Variants in NAV3 observed in about 807,000 individuals in gnomAD.
NAV3 encodes the protein pore membrane and/or filament interacting like protein 1.
In NAV3, 87 loss-of-function variants were observed where a neutral mutation model predicts 244.7. The ratio of observed to expected loss-of-function variants is 0.36; its 90% CI spans 0.30 to 0.42. The LOEUF is 0.42. NAV3 is among the 20% of genes least tolerant of loss of function. The pLI is 1.00. For missense variants in NAV3, 2,663 were observed against 2,893.3 expected, an observed-to-expected ratio of 0.92 and a Z score of 1.83; for synonymous variants, 1,126 against 1,042.2, an observed-to-expected ratio of 1.08 and a Z score of -1.55.
At chr12:78,080,601 A>G (rs1041508565) in intron 12 of NAV3, among the ~76,000 whole-genome samples, 6 of 152,108 alleles carry the variant, frequency 3.9e-5, no homozygotes, top group Admixed American at 2.6e-4. Flanking sequence ...TTTTCCCATT[A>G]TAGTTTAATT....
intron 18 of NAV3, among the ~76,000 whole-genome samples, chr12:78,131,192 A>G (rs1282098130): frequency 6.6e-6 from 1 of 152,214 alleles, no homozygotes. Context: ...AGCCAGGACA[A>G]GACTCAAGGC....
intron 5 of NAV3, among the ~76,000 whole-genome samples, chr12:77,979,133 G>C (rs1869054716): frequency 1.3e-5 from 2 of 151,012 alleles, no homozygotes; most frequent in Admixed American, 6.6e-5. Context: ...CCAGAACTTT[G>C]AGAGGCCAAG....
chr12:77,792,979 G>A (rs1217427572), intron 2 of NAV3, among the ~76,000 whole-genome samples: 1 of 152,018 alleles, frequency 6.6e-6, no homozygotes, highest in Admixed American at 6.6e-5. Context: ...TTTCAGTGCG[G>A]GATATTCTGA....
intron 2 of NAV3, among the ~76,000 whole-genome samples, chr12:77,647,019 A>T (rs1872629331): frequency 6.6e-6 from 1 of 151,322 alleles, no homozygotes; most frequent in Non-Finnish European, 1.5e-5. Flanking sequence ...ATATACATGG[A>T]CATACACACA....
intron 24 of NAV3, among the ~76,000 whole-genome samples, chr12:78,170,633 A>T (rs1212222390): frequency 6.6e-6 from 1 of 151,770 alleles, no homozygotes; most frequent in Non-Finnish European, 1.5e-5. Flanking sequence ...TTCATAACCA[A>T]TTAAGTGCCA....
rs987443300 is a variant in NAV3 at position 78,211,436 on chromosome 12, G to A, written c.*919G>A. 2 of 150,312 alleles carry A rather than the reference G, an allele frequency of 1.3e-5. No individual in the cohort carries two copies. Among genetic ancestry groups the A allele is most frequent in the Non-Finnish European group, 3.0e-5 (2 of 67,634 alleles). The allele number at this position is 150,312 out of a possible 1,614,324, so 9.3% of individuals were successfully genotyped here. A position where few individuals can be genotyped will look rare whatever the true frequency, so the allele number is the denominator to read the frequency against. The stretch of plus-strand genomic sequence containing the variant: ...TTTCATTTACAACCAAGCAACACCA[G>A]TTAACATAGTAGCCTCATCTCTATA... On this transcript the variant is annotated 3_prime_UTR_variant, in exon 40 of 40. Coordinates refer to ENST00000397909, the MANE Select transcript of NAV3 (RefSeq NM_001024383.2).
chr12:78,148,585 C>T (rs1162323022), intron 21 of NAV3, among the ~76,000 whole-genome samples: 2 of 152,038 alleles, frequency 1.3e-5, no homozygotes, highest in Non-Finnish European at 2.9e-5. Context: ...GAGTCATTTG[C>T]CATTTGAGGG....
chr12:77,817,136 A>G lies in NAV3; in HGVS notation c.73-123183A>G, dbSNP rs145535538. Among the ~76,000 whole-genome samples, 268 of 152,208 alleles carry G rather than the reference A, an allele frequency of 1.8e-3. 2 individuals are homozygous for G. Among genetic ancestry groups the G allele is most frequent in the African/African-American group, 6.2e-3 (256 of 41,526 alleles). ...CCTTTAATCCTTACTTACTGCATAC[A>G]CTTTGGTGATCACTTTATGGAAGGA... On this transcript the variant is annotated intron_variant, in intron 2 of 8. Coordinates refer to the NAV3 transcript ENST00000550042.
At chr12:78,158,041 T>C (rs1252604905) in intron 22 of NAV3, among the ~76,000 whole-genome samples, 1 of 152,162 alleles carries the variant, frequency 6.6e-6, no homozygotes, top group Non-Finnish European at 1.5e-5. Flanking sequence ...GGAATATATT[T>C]CCGTTATTAA....
intron 2 of NAV3, among the ~76,000 whole-genome samples, chr12:77,628,065 G>A (rs1871717055): frequency 6.6e-6 from 1 of 152,114 alleles, no homozygotes. Flanking sequence ...ACAAACAGGA[G>A]GAGTAAGTTC....
chr12:77,584,751 G>GATAC (rs1869521902), intron 2 of NAV3, among the ~76,000 whole-genome samples: 1 of 152,100 alleles, frequency 6.6e-6, no homozygotes. Flanking sequence ...TAGAATTTTG[G>GATAC]ATACAGACAG....
intron 2 of NAV3, among the ~76,000 whole-genome samples, chr12:77,795,248 A>T (rs1871354176): frequency 6.6e-6 from 1 of 152,208 alleles, no homozygotes; most frequent in African/African-American, 2.4e-5. Flanking sequence ...TAGATAGATC[A>T]AACCAGCCAT....
At chr12:77,761,153 C>T (rs991014460) in intron 2 of NAV3, among the ~76,000 whole-genome samples, 20 of 152,080 alleles carry the variant, frequency 1.3e-4, no homozygotes, top group African/African-American at 4.6e-4. Flanking sequence ...CCGCCTCCCA[C>T]GTTCAAGCGA....
chr12:77,991,623 A>T (rs1203431023), intron 5 of NAV3, among the ~76,000 whole-genome samples: 1 of 152,180 alleles, frequency 6.6e-6, no homozygotes, highest in African/African-American at 2.4e-5. Flanking sequence ...GTATTCCCAT[A>T]GGAGTTATAG....
chr12:78,128,945 A>G (rs1221460233), intron 18 of NAV3, 79 bp downstream of exon 18: 1 of 1,341,876 alleles, frequency 7.5e-7, no homozygotes, highest in East Asian at 2.3e-5. Context: ...TCTCTCCATA[A>G]CACAACACGT....
At chr12:77,613,676 T>C (rs1458755932) in intron 2 of NAV3, among the ~76,000 whole-genome samples, 1 of 152,164 alleles carries the variant, frequency 6.6e-6, no homozygotes, top group Non-Finnish European at 1.5e-5. Flanking sequence ...TGGGTGAGGC[T>C]GGAAGGGTAG....
chr12:77,581,421 C>T (rs978460333), intron 2 of NAV3, among the ~76,000 whole-genome samples: 1 of 151,950 alleles, frequency 6.6e-6, no homozygotes, highest in Non-Finnish European at 1.5e-5. Context: ...TAAATGTTTC[C>T]TGCCACATAT....
At chr12:77,724,013 A>G (rs1019708965) in intron 2 of NAV3, among the ~76,000 whole-genome samples, 9 of 151,894 alleles carry the variant, frequency 5.9e-5, no homozygotes, top group African/African-American at 1.9e-4. Flanking sequence ...TGCCAAATAA[A>G]TTATTACTTT....
intron 9 of NAV3, chr12:78,037,416 A>G: frequency 4.5e-6 from 3 of 668,078 alleles, no homozygotes; most frequent in African/African-American, 1.8e-5. Context: ...AAAAACGTGT[A>G]TGGGATCTTA....
Sources: gnomAD v4.1 joint callset for allele counts (sites outside exome capture counted in the v4.1 genomes callset) on GRCh38, gnomAD v4.1.1 for gene constraint, MANE v1.5 for transcripts, NCBI Gene and HGNC (gene_info 2026-07-23, HGNC 2026-07-21) for gene names.